Variants in SYK observed in about 807,000 individuals in gnomAD.
SYK encodes tyrosine-protein kinase SYK.
SYK carries 16 observed loss-of-function variants against 77.8 expected under a neutral mutation model. The ratio of observed to expected loss-of-function variants is 0.21; its 90% CI spans 0.14 to 0.31. The LOEUF (loss-of-function observed/expected upper bound fraction) is 0.31. Ranked by LOEUF, SYK falls within the 10% of genes least tolerant of loss-of-function variation. SYK has a pLI of 1.00. For synonymous variants in SYK, 312 were observed against 308.7 expected (o/e 1.01, Z -0.11); for missense variants, 529 against 814.4 (o/e 0.65, Z 4.26).
rs199695443 is a variant in SYK at position 90,897,806 on chromosome 9, C to T, written c.*2206C>T. ...GCCTCTCTGCTTGGTGGAGCAGGCACCTGTGTGCAGAATTCCCACTGTGGC... is the reference window on the plus strand; with the variant it reads ...GCCTCTCTGCTTGGTGGAGCAGGCATCTGTGTGCAGAATTCCCACTGTGGC... On this transcript the variant is annotated 3_prime_UTR_variant, in exon 14 of 14. Coordinates refer to ENST00000375754, the MANE Select transcript of SYK (RefSeq NM_003177.7). 1 of 223,012 alleles carries T rather than the reference C, an allele frequency of 4.5e-6. No individual in the cohort carries two copies. Among genetic ancestry groups the T allele is most frequent in the Non-Finnish European group, 9.0e-6 (1 of 111,728 alleles). 13.8% of individuals were successfully genotyped at this position (223,012 alleles called of 1,614,324 possible).
intron 3 of SYK, among the ~76,000 whole-genome samples, chr9:90,853,224 G>T (rs1826886653): frequency 6.7e-6 from 1 of 148,678 alleles, no homozygotes; most frequent in Admixed American, 6.8e-5. Flanking sequence ...AGGTGCCCAG[G>T]CTGGACTATC....
In SYK at chr9:90,812,139, G is replaced by T. The variant is rs538435105; in HGVS notation, c.-42+10246G>T. ...CAGCAGCTTTGGGGGGAGGGGAATA[G>T]AATTGGTTTAGAGAAAAAGGTGAAA... On this transcript the variant is annotated intron_variant, in intron 1 of 13. Transcript: ENST00000375754. Among the ~76,000 whole-genome samples the T allele has an allele frequency of 3.9e-5, 6 of 151,912 alleles. No homozygotes were observed. In the South Asian group the frequency reaches 1.0e-3, roughly 26 times the overall value.
chr9:90,815,344 T>G (rs1393142788), intron 1 of SYK, among the ~76,000 whole-genome samples: 1 of 152,350 alleles, frequency 6.6e-6, no homozygotes, highest in East Asian at 1.9e-4. Flanking sequence ...GGCACCCCAG[T>G]GAGCAGAGGT....
chr9:90,814,460 C>T (rs949562722), intron 1 of SYK, among the ~76,000 whole-genome samples: 1 of 152,184 alleles, frequency 6.6e-6, no homozygotes, highest in Non-Finnish European at 1.5e-5. Context: ...AGTTGCCACA[C>T]GTGGGTGGAA....
At position 90,895,200 on chromosome 9, in the gene SYK, A is replaced by G. The variant is rs954226011; in HGVS notation, c.1836-328A>G. ...CGTGTTGCCTGTGGCACAGAAGCATATTGTGTGCCGCATATCTGAACCTGG... is the reference window on the plus strand; with the variant it reads ...CGTGTTGCCTGTGGCACAGAAGCATGTTGTGTGCCGCATATCTGAACCTGG... On this transcript the variant is annotated intron_variant, in intron 13 of 13. Transcript: ENST00000375754. The surrounding 1 kb of genome is among the most constrained non-coding windows in gnomAD (Gnocchi z 4.4). Among the ~76,000 whole-genome samples the G allele has an allele frequency of 3.3e-5, 5 of 152,188 alleles. No individual in the cohort carries two copies. The highest frequency in any genetic ancestry group is 1.2e-4 in the African/African-American group (5 of 41,442).
chr9:90,876,684 C>G (rs167063), intron 9 of SYK, among the ~76,000 whole-genome samples: 1 of 151,936 alleles, frequency 6.6e-6, no homozygotes, highest in Non-Finnish European at 1.5e-5. Context: ...AGGAGAGGCT[C>G]TCTCGGTCAA....
chr9:90,877,461 A>G, intron 9 of SYK, 110 bp from the exon 10 acceptor site: 4 of 1,203,436 alleles, frequency 3.3e-6, no homozygotes, highest in Non-Finnish European at 4.7e-6. Context: ...ACTCTGTGGC[A>G]GGTATTTCCG....
At chr9:90,893,275 C>G (rs143405958) in intron 13 of SYK, among the ~76,000 whole-genome samples, 1 of 152,060 alleles carries the variant, frequency 6.6e-6, no homozygotes, top group African/African-American at 2.4e-5. Flanking sequence ...TAAGCCCTCT[C>G]GTGTCGAAGT....
chr9:90,846,415 G>A (rs925430732), intron 3 of SYK, among the ~76,000 whole-genome samples: 3 of 152,182 alleles, frequency 2.0e-5, no homozygotes, highest in East Asian at 1.9e-4. Context: ...ATCCCCAGCC[G>A]ACTTCGTAAA....
At chr9:90,858,751 C>T (rs1424692521) in intron 3 of SYK, among the ~76,000 whole-genome samples, 1 of 152,282 alleles carries the variant, frequency 6.6e-6, no homozygotes, top group Non-Finnish European at 1.5e-5. Flanking sequence ...CGCGAGCCTT[C>T]TGGTCTTTGC....
At chr9:90,853,214 A>G (rs7032304) in intron 3 of SYK, among the ~76,000 whole-genome samples, 2,063 of 148,502 alleles carry the variant, frequency 0.014, 47 homozygotes, top group African/African-American at 0.049. Flanking sequence ...GGCCTGTCTC[A>G]GGTGCCCAGG....
Position 90,864,578 on chromosome 9 carries a change from TTC to T in SYK, c.718-7_718-6del. ...TGGTATTTACCACTTTCTTACTTTT[TTC>T]TCTTTCAGCTAGTCGAGCATTATTC... is the stretch of plus-strand genomic sequence containing the variant. On this transcript the variant is annotated splice_polypyrimidine_tract_variant and intron_variant, in intron 4 of 13. Coordinates refer to ENST00000375754, the MANE Select transcript of SYK (RefSeq NM_003177.7). 6.2e-7 allele frequency: 1 copy of T among 1,613,002 alleles called. No individual in the cohort carries two copies. Among genetic ancestry groups the T allele is most frequent in the Non-Finnish European group, 8.5e-7 (1 of 1,179,068 alleles).
At chr9:90,894,984 G>A (rs1237792730) in intron 13 of SYK, among the ~76,000 whole-genome samples, 2 of 152,218 alleles carry the variant, frequency 1.3e-5, no homozygotes, top group Non-Finnish European at 2.9e-5. Flanking sequence ...GCTTTCCTAA[G>A]AACCCATATC....
chr9:90,870,569 GT>G (rs1358571012), intron 7 of SYK, among the ~76,000 whole-genome samples: 1 of 152,162 alleles, frequency 6.6e-6, no homozygotes, highest in Admixed American at 6.5e-5. Context: ...GAGAAAATGT[GT>G]TTTCATATAA....
intron 6 of SYK, 107 bp from the exon 7 acceptor site, chr9:90,867,024 G>A: frequency 8.3e-7 from 1 of 1,200,844 alleles, no homozygotes; most frequent in Non-Finnish European, 1.2e-6. Context: ...ACAGGAGGGG[G>A]TTAGTGGTGC....
intron 6 of SYK, among the ~76,000 whole-genome samples, chr9:90,865,683 A>G (rs1181140708): frequency 6.6e-6 from 1 of 152,046 alleles, no homozygotes; most frequent in Non-Finnish European, 1.5e-5. Context: ...TGCGAATGAA[A>G]CCCAATATTA....
chr9:90,822,821 G>A (rs971398806), intron 1 of SYK, among the ~76,000 whole-genome samples: 2 of 152,124 alleles, frequency 1.3e-5, no homozygotes, highest in Non-Finnish European at 2.9e-5. Flanking sequence ...GGCCCCTGAG[G>A]TCCACACCTG....
chr9:90,876,669 GGGAGAGGAGA>G (rs1395708612), intron 9 of SYK, among the ~76,000 whole-genome samples: 1 of 152,112 alleles, frequency 6.6e-6, no homozygotes, highest in Non-Finnish European at 1.5e-5. Context: ...AGAGAATTTG[GGGAGAGGAGA>G]GGCTCTCTCG....
chr9:90,866,113 A>T (rs1210467406), intron 6 of SYK, among the ~76,000 whole-genome samples: 1 of 151,914 alleles, frequency 6.6e-6, no homozygotes, highest in Non-Finnish European at 1.5e-5. Context: ...GTTAGCCAGG[A>T]TGGTCTCGAT....
Sources: gnomAD v4.1 joint callset for allele counts (sites outside exome capture counted in the v4.1 genomes callset) on GRCh38, gnomAD v4.1.1 for gene constraint, Gnocchi (gnomAD v3.1) non-coding constraint, MANE v1.5 for transcripts, NCBI Gene and HGNC (gene_info 2026-07-23, HGNC 2026-07-21) for gene names.